The following CADM2 variants were observed in gnomAD, a reference collection of about 807,000 sequenced individuals.
The protein encoded by CADM2 is cell adhesion molecule 2, also known as immunoglobulin superfamily member 4D.
CADM2 carries 12 observed loss-of-function variants against 49.8 expected under a neutral mutation model. The ratio of observed to expected loss-of-function variants is 0.24; its 90% CI spans 0.15 to 0.39. CADM2 has a LOEUF of 0.39. Ranked by LOEUF, CADM2 falls within the 10% of genes least tolerant of loss-of-function variation. CADM2 has a pLI of 1.00. For synonymous variants in CADM2, 214 were observed against 175.4 expected, an observed-to-expected ratio of 1.22 and a Z score of -1.74; for missense variants, 378 against 492.3, an observed-to-expected ratio of 0.77 and a Z score of 2.20.
At chr3:85,006,753 T>G (rs1451262494) in intron 1 of CADM2, among the ~76,000 whole-genome samples, 1 of 152,158 alleles carries the variant, frequency 6.6e-6, no homozygotes, top group East Asian at 1.9e-4. Context: ...TAATGAATTA[T>G]TAATAATTTT....
chr3:85,603,547 T>C (rs73141535), intron 1 of CADM2, among the ~76,000 whole-genome samples: 27,184 of 151,556 alleles, frequency 0.18, 2,585 homozygotes, highest in African/African-American at 0.22. Flanking sequence ...CTAAACATTC[T>C]TTTTTTTCCC....
intron 1 of CADM2, among the ~76,000 whole-genome samples, chr3:85,312,946 T>G (rs1316407360): frequency 6.6e-6 from 1 of 152,192 alleles, no homozygotes; most frequent in African/African-American, 2.4e-5. Flanking sequence ...ACTTATGAAA[T>G]AGCTTCAACT....
intron 2 of CADM2, among the ~76,000 whole-genome samples, chr3:85,746,276 G>A (rs1014800198): frequency 6.6e-6 from 1 of 152,032 alleles, no homozygotes; most frequent in African/African-American, 2.4e-5. Flanking sequence ...GCTCATTTCT[G>A]ATTTCTAGAA....
intron 1 of CADM2, among the ~76,000 whole-genome samples, chr3:85,681,714 A>G (rs2066043890): frequency 6.6e-6 from 1 of 152,156 alleles, no homozygotes; most frequent in South Asian, 2.1e-4. Flanking sequence ...GTTTTCCACC[A>G]TTTTATTCCT....
At chr3:85,601,785 T>C (rs1027726923) in intron 1 of CADM2, among the ~76,000 whole-genome samples, 1 of 151,752 alleles carries the variant, frequency 6.6e-6, no homozygotes, top group African/African-American at 2.4e-5. Context: ...GCAAGAGTGA[T>C]TTTCATGAGC....
intron 2 of CADM2, among the ~76,000 whole-genome samples, chr3:85,744,517 A>T (rs1285715267): frequency 1.3e-5 from 2 of 151,766 alleles, no homozygotes; most frequent in East Asian, 1.9e-4. Flanking sequence ...AAAATAAAAA[A>T]ATATAAAGAT....
chr3:85,359,475 A>C (rs2107271054), intron 1 of CADM2, among the ~76,000 whole-genome samples: 1 of 151,016 alleles, frequency 6.6e-6, no homozygotes, highest in Admixed American at 6.6e-5. Context: ...GTCCTATAGC[A>C]TACTCTTTGA....
intron 2 of CADM2, among the ~76,000 whole-genome samples, chr3:85,754,938 CG>C (rs2069039157): frequency 6.6e-6 from 1 of 152,086 alleles, no homozygotes; most frequent in Non-Finnish European, 1.5e-5. Context: ...GAAGGTAAAA[CG>C]TATTGATTTA....
At chr3:85,035,167 G>A (rs1254394280) in intron 1 of CADM2, among the ~76,000 whole-genome samples, 1 of 152,060 alleles carries the variant, frequency 6.6e-6, no homozygotes, top group East Asian at 1.9e-4. Context: ...TTTTTCTAAT[G>A]ATAGTGATTT....
intron 3 of CADM2, among the ~76,000 whole-genome samples, chr3:85,836,556 T>C (rs1407768176): frequency 6.6e-6 from 1 of 151,574 alleles, no homozygotes; most frequent in Non-Finnish European, 1.5e-5. Context: ...ACCTCTTAAC[T>C]ATATGACAAA....
chr3:86,015,911 A>C (rs532113759), intron 8 of CADM2, among the ~76,000 whole-genome samples: 1 of 152,258 alleles, frequency 6.6e-6, no homozygotes, highest in South Asian at 2.1e-4. Context: ...AACCTGGAAA[A>C]CCTACAAAAA....
At chr3:85,485,634 C>T (rs540652459) in intron 1 of CADM2, among the ~76,000 whole-genome samples, 1 of 151,530 alleles carries the variant, frequency 6.6e-6, no homozygotes, top group Non-Finnish European at 1.5e-5. Context: ...TAGTTAATTG[C>T]TTAAAATCTA....
intron 1 of CADM2, among the ~76,000 whole-genome samples, chr3:84,976,790 A>G (rs1188014725): frequency 6.6e-6 from 1 of 151,966 alleles, no homozygotes; most frequent in Admixed American, 6.6e-5. Flanking sequence ...GCCACTGACT[A>G]TTAGTAATCA....
intron 1 of CADM2, among the ~76,000 whole-genome samples, chr3:85,362,117 A>G (rs1279657760): frequency 6.7e-6 from 1 of 148,298 alleles, no homozygotes; most frequent in Non-Finnish European, 1.5e-5. Flanking sequence ...CCAGTAAGTG[A>G]CAGGACCCGC....
chr3:85,081,246 G>T (rs566655204), intron 1 of CADM2, among the ~76,000 whole-genome samples: 4 of 152,014 alleles, frequency 2.6e-5, no homozygotes, highest in Non-Finnish European at 5.9e-5. Context: ...AGACAAATAC[G>T]CATTGAAATC....
At chr3:85,566,021 G>T (rs887222316) in intron 1 of CADM2, among the ~76,000 whole-genome samples, 1 of 152,016 alleles carries the variant, frequency 6.6e-6, no homozygotes, top group African/African-American at 2.4e-5. Flanking sequence ...TCTCACTAGG[G>T]TTGTAAAATG....
intron 1 of CADM2, among the ~76,000 whole-genome samples, chr3:85,446,749 T>TG (rs2037475269): frequency 6.7e-6 from 1 of 150,144 alleles, no homozygotes; most frequent in Non-Finnish European, 1.5e-5. Flanking sequence ...ATTATAGGCA[T>TG]GGGCCACCAC....
intron 1 of CADM2, among the ~76,000 whole-genome samples, chr3:85,013,405 C>T (rs370068984): frequency 2.6e-5 from 4 of 151,780 alleles, no homozygotes; most frequent in East Asian, 1.9e-4. Flanking sequence ...GAATCAAATA[C>T]TTAAAACATT....
chr3:85,370,275 C>G (rs974123607), intron 1 of CADM2, among the ~76,000 whole-genome samples: 2 of 146,356 alleles, frequency 1.4e-5, no homozygotes, highest in African/African-American at 5.0e-5. Flanking sequence ...TAAAAAATAA[C>G]TTGGTGTGGT....
Sources: allele counts gnomAD v4.1 joint callset (sites outside exome capture counted in the v4.1 genomes callset), GRCh38; gene constraint gnomAD v4.1.1; transcripts MANE v1.5; gene names NCBI Gene and HGNC (gene_info 2026-07-23, HGNC 2026-07-21).